Variants in EML5 observed in about 807,000 individuals in gnomAD.
EML5 encodes the protein EMAP like 5.
Under a neutral mutation model 250.0 loss-of-function variants are expected in EML5, and 120 were observed. That is an observed-to-expected ratio of 0.48 (90% CI 0.41 to 0.56). The LOEUF is 0.56. Among genes scored for constraint, EML5 ranks in the 20% least tolerant of loss-of-function variants. The pLI is 0.00. For synonymous variants in EML5, 771 were observed against 806.5 expected (o/e 0.96, Z 0.75); for missense variants, 2,006 against 2,437.6 (o/e 0.82, Z 3.73).
chr14:88,705,667 G>A, intron 11 of EML5, 79 bp from the exon 12 acceptor site: 3 of 1,033,592 alleles, frequency 2.9e-6, no homozygotes, highest in Non-Finnish European at 4.3e-6. Flanking sequence ...TAATGATTAA[G>A]AGCTATGTCA....
chr14:88,639,091 G>A (rs549366279), intron 31 of EML5, among the ~76,000 whole-genome samples, 184 bp from the exon 32 acceptor site: 2 of 152,326 alleles, frequency 1.3e-5, no homozygotes, highest in South Asian at 2.1e-4. Flanking sequence ...ATGGGATAGA[G>A]CCGTAAAAGG....
intron 28 of EML5, 96 bp downstream of exon 28, chr14:88,649,816 A>G: frequency 9.9e-7 from 1 of 1,011,452 alleles, no homozygotes; most frequent in Non-Finnish European, 1.4e-6. Flanking sequence ...AAATGTAGTT[A>G]AATGTTTTAT....
Position 88,699,450 on chromosome 14 carries a change from C to G in EML5, c.2239-2498G>C, listed in dbSNP as rs567651547. On this transcript the variant is annotated intron_variant, in intron 14 of 43. Transcript: ENST00000554922. ...CATTTAACCAAGTCTGACTCTCCAA[C>G]CTCCCCTTTTTATCTCTTATCATTT... Among the ~76,000 whole-genome samples, 15 of 151,922 alleles carry G rather than the reference C, an allele frequency of 9.9e-5. No homozygotes were observed. In the East Asian group the frequency reaches 1.8e-3, roughly 18 times the overall value.
At chr14:88,641,897 T>C (rs2091086327) in intron 31 of EML5, among the ~76,000 whole-genome samples, 1 of 152,186 alleles carries the variant, frequency 6.6e-6, no homozygotes, top group Non-Finnish European at 1.5e-5. Context: ...CATTCCTTTC[T>C]TGTTTATCTT....
intron 3 of EML5, among the ~76,000 whole-genome samples, chr14:88,744,463 C>A (rs941666): frequency 6.6e-6 from 1 of 151,690 alleles, no homozygotes; most frequent in Non-Finnish European, 1.5e-5. Flanking sequence ...GTGACACTTA[C>A]ACAGCCTAGA....
intron 1 of EML5, among the ~76,000 whole-genome samples, chr14:88,780,610 G>A (rs1397413890): frequency 6.6e-6 from 1 of 151,388 alleles, no homozygotes; most frequent in Non-Finnish European, 1.5e-5. Context: ...CTCACTCACT[G>A]TGTCATCCAG....
intron 1 of EML5, among the ~76,000 whole-genome samples, chr14:88,781,689 G>T (rs947814843): frequency 6.6e-6 from 1 of 152,156 alleles, no homozygotes; most frequent in Admixed American, 6.5e-5. Context: ...GTTCCCATGA[G>T]ATCTGATGAT....
Position 88,694,408 on chromosome 14 carries a change from C to T in EML5, c.2439-1G>A. 2.6e-6 allele frequency: 4 copies of T among 1,542,030 alleles called. No individual in the cohort carries two copies. Among genetic ancestry groups the T allele is most frequent in the Non-Finnish European group, 3.5e-6 (4 of 1,132,772 alleles). On this transcript the variant is annotated splice_acceptor_variant, in intron 16 of 43. Coordinates refer to ENST00000554922, the MANE Select transcript of EML5 (RefSeq NM_183387.3). LOFTEE classifies it high-confidence loss of function. ...AACAAAAATCTTATCTTTACTTCCT[C>T]TGAAATAAACATCGAAATGTTTTAG...
chr14:88,643,124 G>C, intron 30 of EML5, 102 bp from the exon 31 acceptor site: 2 of 1,117,340 alleles, frequency 1.8e-6, no homozygotes, highest in Non-Finnish European at 2.4e-6. Context: ...AGTCAAAATG[G>C]AGTATGCATT....
At chr14:88,790,480 A>T (rs759065664) in intron 1 of EML5, among the ~76,000 whole-genome samples, 1 of 152,226 alleles carries the variant, frequency 6.6e-6, no homozygotes, top group Non-Finnish European at 1.5e-5. Flanking sequence ...ACAGCTTCTA[A>T]TTACTGCTAG....
At chr14:88,654,693 C>T (rs1051296543) in intron 27 of EML5, among the ~76,000 whole-genome samples, 2 of 152,128 alleles carry the variant, frequency 1.3e-5, no homozygotes, top group Non-Finnish European at 2.9e-5. Context: ...GAGTGTTTTA[C>T]TTCCAATTAT....
At chr14:88,726,255 G>C (rs2093664852) in intron 8 of EML5, among the ~76,000 whole-genome samples, 1 of 152,056 alleles carries the variant, frequency 6.6e-6, no homozygotes. Context: ...AGGTAGTTGG[G>C]ACCCAAACTT....
At chr14:88,636,610 G>A (rs941775105) in intron 32 of EML5, among the ~76,000 whole-genome samples, 6 of 152,140 alleles carry the variant, frequency 3.9e-5, no homozygotes, top group Non-Finnish European at 5.9e-5. Context: ...GCAGTGAGCC[G>A]AGATTGTGCC....
intron 2 of EML5, among the ~76,000 whole-genome samples, chr14:88,752,581 C>A (rs962917308): frequency 2.0e-5 from 3 of 152,028 alleles, no homozygotes; most frequent in Non-Finnish European, 4.4e-5. Context: ...AGATCCATTA[C>A]CAGAAAGTCA....
At chr14:88,686,193 G>A (rs998357050) in intron 19 of EML5, among the ~76,000 whole-genome samples, 2 of 152,050 alleles carry the variant, frequency 1.3e-5, no homozygotes, top group Non-Finnish European at 2.9e-5. Context: ...GTAACTGGAG[G>A]GGGCAGGAAG....
chr14:88,716,000 A>C (rs2093486907), intron 8 of EML5, among the ~76,000 whole-genome samples: 1 of 152,152 alleles, frequency 6.6e-6, no homozygotes, highest in African/African-American at 2.4e-5. Context: ...CGGAGTTTCC[A>C]AAGTTGTGGA....
intron 36 of EML5, 92 bp downstream of exon 36, chr14:88,624,878 C>T (rs1694980442): frequency 1.4e-6 from 2 of 1,429,100 alleles, no homozygotes; most frequent in African/African-American, 2.9e-5. Context: ...AGAGGACACT[C>T]TGTGTAGCCT....
At chr14:88,632,914 G>A (rs1395913764) in intron 33 of EML5, among the ~76,000 whole-genome samples, 4 of 152,212 alleles carry the variant, frequency 2.6e-5, no homozygotes, top group Non-Finnish European at 5.9e-5. Context: ...GGAGGAAGAA[G>A]CAGGTTCTGT....
At chr14:88,711,924 CAG>C (rs1162518971) in intron 10 of EML5, among the ~76,000 whole-genome samples, 1 of 145,286 alleles carries the variant, frequency 6.9e-6, no homozygotes, top group Non-Finnish European at 1.5e-5. Context: ...GCCTGGGCAA[CAG>C]AGTGAGACCC....
Sources: allele counts gnomAD v4.1 joint callset (sites outside exome capture counted in the v4.1 genomes callset), GRCh38; gene constraint gnomAD v4.1.1; transcripts MANE v1.5; gene names NCBI Gene and HGNC (gene_info 2026-07-23, HGNC 2026-07-21).